FSTL5: variants seen among roughly 807,000 people sequenced by gnomAD.
FSTL5 encodes follistatin like 5.
In FSTL5, 62 loss-of-function variants were observed where a neutral mutation model predicts 89.1. The observed-to-expected ratio is 0.70, with a 90% CI of 0.57 to 0.86. FSTL5 has a LOEUF of 0.86. FSTL5 is among the 40% of genes least tolerant of loss of function. The pLI is 0.00. For missense variants in FSTL5, 1,057 were observed against 1,001.6 expected, an observed-to-expected ratio of 1.06 and a Z score of -0.75; for synonymous variants, 383 against 346.2, an observed-to-expected ratio of 1.11 and a Z score of -1.18.
chr4:161,915,817 T>C (rs1380238372), intron 4 of FSTL5, among the ~76,000 whole-genome samples: 1 of 152,138 alleles, frequency 6.6e-6, no homozygotes, highest in Admixed American at 6.5e-5. Context: ...CATTTTTCAA[T>C]GTATATAGAT....
chr4:162,108,278 G>T (rs1211988931), intron 2 of FSTL5, among the ~76,000 whole-genome samples: 1 of 152,030 alleles, frequency 6.6e-6, no homozygotes, highest in African/African-American at 2.4e-5. Flanking sequence ...AGTTGTAAAT[G>T]ATATGCCTGC....
At chr4:161,797,559 A>T (rs909412776) in intron 4 of FSTL5, among the ~76,000 whole-genome samples, 3 of 151,626 alleles carry the variant, frequency 2.0e-5, no homozygotes, top group Non-Finnish European at 4.4e-5. Context: ...TTAGAAATTG[A>T]AATATATATG....
intron 4 of FSTL5, among the ~76,000 whole-genome samples, chr4:161,815,709 T>C (rs547597336): frequency 6.6e-6 from 1 of 152,152 alleles, no homozygotes; most frequent in African/African-American, 2.4e-5. Context: ...CATTTTATAG[T>C]TTACACATTA....
chr4:161,756,903 T>C (rs947072758), intron 6 of FSTL5, among the ~76,000 whole-genome samples: 1 of 152,178 alleles, frequency 6.6e-6, no homozygotes, highest in African/African-American at 2.4e-5. Flanking sequence ...CTATATACGA[T>C]TGAAATTATT....
At chr4:161,750,241 G>A (rs984287836) in intron 6 of FSTL5, among the ~76,000 whole-genome samples, 1 of 152,104 alleles carries the variant, frequency 6.6e-6, no homozygotes, top group African/African-American at 2.4e-5. Flanking sequence ...AGATAGAGAA[G>A]TCATTATAAT....
chr4:161,544,617 T>G (rs1332377617), intron 8 of FSTL5, among the ~76,000 whole-genome samples: 1 of 151,848 alleles, frequency 6.6e-6, no homozygotes, highest in African/African-American at 2.4e-5. Flanking sequence ...TTTGACACAG[T>G]TAAATGGCAT....
rs76596252 is a variant in FSTL5 at position 161,693,317 on chromosome 4, A to G, written c.728-36823T>C. Reference sequence around the variant, plus strand: ...TTTATCAGAATAATTCTAGTCTTACAGAAAATATTATGATGTGTTTCCTCT... The same window carrying G: ...TTTATCAGAATAATTCTAGTCTTACGGAAAATATTATGATGTGTTTCCTCT... On this transcript the variant is annotated intron_variant, in intron 6 of 15. Transcript: ENST00000306100. Among the ~76,000 whole-genome samples, 296 of 152,322 alleles carry G rather than the reference A, an allele frequency of 1.9e-3. 1 individual carries two copies. The highest frequency in any genetic ancestry group is 6.9e-3 in the African/African-American group (288 of 41,574).
chr4:162,137,220 A>G (rs560181704), intron 1 of FSTL5, among the ~76,000 whole-genome samples: 1 of 152,242 alleles, frequency 6.6e-6, no homozygotes, highest in South Asian at 2.1e-4. Context: ...TACTTTTAAT[A>G]TGTACCAAAA....
intron 10 of FSTL5, among the ~76,000 whole-genome samples, chr4:161,512,159 T>A (rs4490416): frequency 0.5 from 75,922 of 151,870 alleles, 19,236 homozygotes; most frequent in Middle Eastern, 0.62. Context: ...GTTTTAGGAA[T>A]GGTTGAACTA....
At chr4:161,887,421 AT>A (rs1732845776) in intron 4 of FSTL5, among the ~76,000 whole-genome samples, 1 of 30,452 alleles carries the variant, frequency 3.3e-5, no homozygotes, top group African/African-American at 8.8e-5. Flanking sequence ...CTATCTATCT[AT>A]CTATCATCTA....
chr4:162,020,592 T>C (rs1737047693), intron 3 of FSTL5, among the ~76,000 whole-genome samples: 1 of 152,112 alleles, frequency 6.6e-6, no homozygotes, highest in South Asian at 2.1e-4. Context: ...CTTAGACTAA[T>C]TAGGTATCTT....
rs561092141 is a variant in FSTL5 at position 161,791,453 on chromosome 4, A to G, written c.410-15379T>C. On this transcript the variant is annotated intron_variant, in intron 4 of 15. Coordinates refer to ENST00000306100, the MANE Select transcript of FSTL5 (RefSeq NM_020116.5). ...TGGCAAATACTTTTTGTAAAGGAAC[A>G]GCGTAAATATGTTAGGCTTTCTGGC... 9.2e-5 allele frequency among the ~76,000 whole-genome samples: 14 copies of G among 152,360 alleles called. No individual in the cohort carries two copies. The South Asian group carries it at 2.7e-3, about 29-fold the overall frequency.
At chr4:161,841,333 T>C (rs956230318) in intron 4 of FSTL5, among the ~76,000 whole-genome samples, 2 of 152,190 alleles carry the variant, frequency 1.3e-5, no homozygotes, top group Non-Finnish European at 2.9e-5. Context: ...ATAAAAAGTA[T>C]TGTACAAAAT....
At chr4:161,478,679 A>G (rs944691190) in intron 13 of FSTL5, among the ~76,000 whole-genome samples, 2 of 152,070 alleles carry the variant, frequency 1.3e-5, no homozygotes, top group African/African-American at 4.8e-5. Flanking sequence ...AAGGCAGAAT[A>G]TCTTCTTGTT....
intron 1 of FSTL5, among the ~76,000 whole-genome samples, chr4:162,152,837 C>T (rs1366243909): frequency 6.6e-6 from 1 of 150,682 alleles, no homozygotes; most frequent in Non-Finnish European, 1.5e-5. Flanking sequence ...TTAGTTGCAA[C>T]ATGCTCTGTA....
intron 15 of FSTL5, among the ~76,000 whole-genome samples, chr4:161,452,401 G>T (rs556367493): frequency 6.6e-6 from 1 of 152,058 alleles, no homozygotes; most frequent in South Asian, 2.1e-4. Context: ...GCTTGAATCC[G>T]GGAGGTGGAG....
intron 3 of FSTL5, among the ~76,000 whole-genome samples, chr4:162,013,161 G>A (rs1388281400): frequency 2.6e-5 from 4 of 151,624 alleles, no homozygotes; most frequent in Non-Finnish European, 5.9e-5. Flanking sequence ...TTCCAGCCTG[G>A]GCGACACTGA....
At chr4:161,886,142 T>C (rs1732799845) in intron 4 of FSTL5, among the ~76,000 whole-genome samples, 2 of 152,150 alleles carry the variant, frequency 1.3e-5, no homozygotes, top group Admixed American at 1.3e-4. Context: ...ACTATCTGAT[T>C]TGGGAGAGAG....
chr4:161,706,996 A>C (rs1738605226), intron 6 of FSTL5, among the ~76,000 whole-genome samples: 1 of 151,562 alleles, frequency 6.6e-6, no homozygotes, highest in Non-Finnish European at 1.5e-5. Context: ...ACTCTTCTTA[A>C]ATTACCATTA....
Sources: gnomAD v4.1 joint callset for allele counts (sites outside exome capture counted in the v4.1 genomes callset) on GRCh38, gnomAD v4.1.1 for gene constraint, MANE v1.5 for transcripts, NCBI Gene and HGNC (gene_info 2026-07-23, HGNC 2026-07-21) for gene names.